Variants in SCAPER observed in about 807,000 individuals in gnomAD.
SCAPER encodes S phase cyclin A-associated protein in the endoplasmic reticulum.
A neutral mutation model predicts 182.2 loss-of-function variants in SCAPER; 98 were observed. The ratio of observed to expected loss-of-function variants is 0.54; its 90% CI spans 0.46 to 0.64. The LOEUF (loss-of-function observed/expected upper bound fraction) is 0.64, where lower values mean the gene tolerates loss of function less well. Ranked by LOEUF, SCAPER falls within the 30% of genes least tolerant of loss-of-function variation. The pLI, the probability that SCAPER is intolerant of heterozygous loss-of-function variation, is 0.00. For missense variants in SCAPER, 1,432 were observed against 1,690.0 expected, an observed-to-expected ratio of 0.85 and a Z score of 2.68; for synonymous variants, 605 against 564.6, an observed-to-expected ratio of 1.07 and a Z score of -1.01.
rs188506572 is a variant in SCAPER at position 76,405,063 on chromosome 15, G to A, written c.3312-384C>T. Among the ~76,000 whole-genome samples, 326 of 148,522 alleles carry A rather than the reference G, an allele frequency of 2.2e-3. 1 individual carries two copies. Among genetic ancestry groups the A allele is most frequent in the African/African-American group, 7.7e-3 (312 of 40,360 alleles). ...GTAGCCCCAATGCAAGGATTTAGAA[G>A]ATACAGTACAATGATTCAACTCAGA... On this transcript the variant is annotated intron_variant, in intron 26 of 31. Coordinates refer to ENST00000563290, the MANE Select transcript of SCAPER (RefSeq NM_020843.4).
At chr15:76,536,851 T>C (rs969678341) in intron 23 of SCAPER, among the ~76,000 whole-genome samples, 12 of 152,108 alleles carry the variant, frequency 7.9e-5, no homozygotes, top group Non-Finnish European at 1.3e-4. Context: ...CTTAAGCTGA[T>C]AAGCAACTTC....
chr15:76,553,889 G>A (rs969782980), intron 23 of SCAPER, among the ~76,000 whole-genome samples: 2 of 152,180 alleles, frequency 1.3e-5, no homozygotes, highest in African/African-American at 4.8e-5. Context: ...GAAAGAACTA[G>A]TGCAAGAATT....
chr15:76,878,712 G>A (rs1221534768), intron 2 of SCAPER, among the ~76,000 whole-genome samples: 2 of 151,992 alleles, frequency 1.3e-5, no homozygotes, highest in African/African-American at 4.8e-5. Context: ...AGGATTATTT[G>A]AGCTCAGGAG....
chr15:76,605,631 C>G (rs1023356280), intron 22 of SCAPER, among the ~76,000 whole-genome samples: 1 of 152,114 alleles, frequency 6.6e-6, no homozygotes, highest in African/African-American at 2.4e-5. Context: ...TGGTAGAATT[C>G]GGCTGTGAAT....
At chr15:76,686,901 G>A (rs1193394546) in intron 20 of SCAPER, among the ~76,000 whole-genome samples, 2 of 152,060 alleles carry the variant, frequency 1.3e-5, no homozygotes, top group Admixed American at 1.3e-4. Context: ...TATAAATTAT[G>A]AATGGGACAA....
At chr15:76,382,829 T>C (rs930396734) in intron 27 of SCAPER, among the ~76,000 whole-genome samples, 9 of 152,138 alleles carry the variant, frequency 5.9e-5, no homozygotes, top group African/African-American at 1.7e-4. Flanking sequence ...TTCCTCTAGA[T>C]GTAAGGTCTG....
intron 5 of SCAPER, among the ~76,000 whole-genome samples, chr15:76,810,766 A>AAAAC (rs2066540783): frequency 2.0e-5 from 3 of 152,056 alleles, no homozygotes; most frequent in African/African-American, 7.2e-5. Context: ...TAATGGTTAA[A>AAAAC]AAACAAACTA....
intron 23 of SCAPER, among the ~76,000 whole-genome samples, chr15:76,509,131 C>T (rs971670795): frequency 6.6e-6 from 1 of 152,016 alleles, no homozygotes; most frequent in Admixed American, 6.6e-5. Context: ...CATTAAAAAT[C>T]ATAACCATAT....
chr15:76,904,250 C>T (rs2074949087), intron 1 of SCAPER, among the ~76,000 whole-genome samples: 1 of 152,090 alleles, frequency 6.6e-6, no homozygotes. Flanking sequence ...CCTTTTGAGC[C>T]CCCGTTTCTC....
chr15:76,765,241 G>T, intron 13 of SCAPER, 96 bp downstream of exon 13: 1 of 1,067,446 alleles, frequency 9.4e-7, no homozygotes, highest in Non-Finnish European at 1.4e-6. Flanking sequence ...CTGAAGTAAT[G>T]TGTCCAAAAA....
chr15:76,663,321 C>T (rs2056338077), intron 21 of SCAPER, among the ~76,000 whole-genome samples: 3 of 152,028 alleles, frequency 2.0e-5, no homozygotes, highest in African/African-American at 7.3e-5. Context: ...GGAATTCTCA[C>T]GGATTGCTAA....
At chr15:76,645,863 A>C (rs2054504370) in intron 21 of SCAPER, among the ~76,000 whole-genome samples, 1 of 152,228 alleles carries the variant, frequency 6.6e-6, no homozygotes, top group Admixed American at 6.5e-5. Flanking sequence ...GGGTGTTAAA[A>C]ATATTTAAAA....
chr15:76,866,306 T>C (rs560120935), intron 2 of SCAPER, among the ~76,000 whole-genome samples: 1 of 152,156 alleles, frequency 6.6e-6, no homozygotes, highest in Non-Finnish European at 1.5e-5. Context: ...TGCCATACAT[T>C]ACATTCTAAG....
chr15:76,626,936 G>T (rs1366084080), intron 21 of SCAPER, among the ~76,000 whole-genome samples: 1 of 152,176 alleles, frequency 6.6e-6, no homozygotes, highest in Non-Finnish European at 1.5e-5. Flanking sequence ...GAACATTGTG[G>T]AGACCCATTT....
In SCAPER at chr15:76,862,528, T is replaced by C. The variant is rs771178625; in HGVS notation, c.12A>G (p.Ser4=). MMA[S]FQRSNSHDKV... Reference sequence around the variant, plus strand: ...TGTCATGACTATTGGAGCGCTGGAATGAAGCCTATGTATGGAAAAGATGGT... The same window carrying C: ...TGTCATGACTATTGGAGCGCTGGAACGAAGCCTATGTATGGAAAAGATGGT... Residue 4 remains serine, a synonymous_variant, in exon 3 of 32, where the codon TCA becomes TCG. Transcript: ENST00000563290. 2 of 1,598,316 alleles carry C rather than the reference T, an allele frequency of 1.3e-6. No homozygotes were observed. Among genetic ancestry groups the C allele is most frequent in the Admixed American group, 1.7e-5 (1 of 59,674 alleles).
At chr15:76,795,161 G>A (rs1295484598) in intron 8 of SCAPER, 119 bp downstream of exon 8, 4 of 919,780 alleles carry the variant, frequency 4.3e-6, no homozygotes, top group African/African-American at 1.7e-5. Context: ...TTTTAATTAT[G>A]GTAAATTAAT....
chr15:76,702,804 C>G, intron 19 of SCAPER, 46 bp downstream of exon 19: 1 of 1,559,432 alleles, frequency 6.4e-7, no homozygotes, highest in Non-Finnish European at 8.6e-7. Context: ...GTTTCATAAA[C>G]TTTAGTAGTA....
At chr15:76,742,647 C>A (rs1158097196) in intron 15 of SCAPER, among the ~76,000 whole-genome samples, 1 of 151,730 alleles carries the variant, frequency 6.6e-6, no homozygotes, top group Admixed American at 6.6e-5. Context: ...ACTCAGGCTG[C>A]AATATTAATC....
chr15:76,537,508 T>C (rs1160945367), intron 23 of SCAPER, among the ~76,000 whole-genome samples: 1 of 152,146 alleles, frequency 6.6e-6, no homozygotes, highest in Non-Finnish European at 1.5e-5. Context: ...GAAAACTGGC[T>C]AGCCATATGT....
Sources: gnomAD v4.1 joint callset for allele counts (sites outside exome capture counted in the v4.1 genomes callset) on GRCh38, gnomAD v4.1.1 for gene constraint, MANE v1.5 for transcripts, NCBI Gene and HGNC (gene_info 2026-07-23, HGNC 2026-07-21) for gene names.